The following MLLT3 variants were observed in gnomAD, a reference collection of about 807,000 sequenced individuals.
MLLT3 encodes the protein MLLT3 super elongation complex subunit.
Under a neutral mutation model 53.2 loss-of-function variants are expected in MLLT3, and 4 were observed. The ratio of observed to expected loss-of-function variants is 0.08; its 90% CI spans 0.04 to 0.17. The LOEUF (loss-of-function observed/expected upper bound fraction) is 0.17. MLLT3 is among the 10% of genes least tolerant of loss of function. MLLT3 has a pLI of 1.00. For synonymous variants in MLLT3, 283 were observed against 230.6 expected (o/e 1.23, Z -2.06); for missense variants, 569 against 684.0 (o/e 0.83, Z 1.87).
At chr9:20,471,138 T>G (rs1236364512) in intron 2 of MLLT3, among the ~76,000 whole-genome samples, 1 of 152,090 alleles carries the variant, frequency 6.6e-6, no homozygotes, top group Non-Finnish European at 1.5e-5. Context: ...GTCAGTGAGT[T>G]AATTCCTAGC....
At chr9:20,571,529 T>G (rs1414781954) in intron 2 of MLLT3, among the ~76,000 whole-genome samples, 1 of 152,176 alleles carries the variant, frequency 6.6e-6, no homozygotes, top group Non-Finnish European at 1.5e-5. Flanking sequence ...CCATGGTGGT[T>G]TGCTGCACCC....
At chr9:20,444,766 G>A (rs1018764323) in intron 4 of MLLT3, among the ~76,000 whole-genome samples, 3 of 152,100 alleles carry the variant, frequency 2.0e-5, no homozygotes, top group African/African-American at 4.8e-5. Flanking sequence ...CAGCTACTCA[G>A]GAGGCTGAGG....
At chr9:20,526,562 C>A (rs1818209796) in intron 2 of MLLT3, among the ~76,000 whole-genome samples, 1 of 152,140 alleles carries the variant, frequency 6.6e-6, no homozygotes, top group African/African-American at 2.4e-5. Flanking sequence ...TAATGTAGAT[C>A]ATTCTGTTGT....
At chr9:20,559,689 C>G (rs1002808206) in intron 2 of MLLT3, among the ~76,000 whole-genome samples, 1 of 152,166 alleles carries the variant, frequency 6.6e-6, no homozygotes, top group African/African-American at 2.4e-5. Flanking sequence ...CCTCCTCCAC[C>G]TGAGTCATGT....
chr9:20,346,591 G>A lies in MLLT3; in HGVS notation c.1576-17C>T. The A allele has an allele frequency of 6.2e-7, 1 of 1,608,678 alleles. No individual in the cohort carries two copies. On this transcript the variant is annotated splice_polypyrimidine_tract_variant and intron_variant, in intron 10 of 10. Coordinates refer to ENST00000380338, the MANE Select transcript of MLLT3 (RefSeq NM_004529.4). ...GTTCACGATCTAGAGGAGTGAAGAAGAGAAAGTTTGGGCAATACGCAGCAA... is the reference window on the plus strand; with the variant it reads ...GTTCACGATCTAGAGGAGTGAAGAAAAGAAAGTTTGGGCAATACGCAGCAA...
chr9:20,523,414 A>G (rs569550179), intron 2 of MLLT3, among the ~76,000 whole-genome samples: 4 of 152,366 alleles, frequency 2.6e-5, no homozygotes, highest in African/African-American at 9.6e-5. Context: ...ACAAAAACCT[A>G]CACATGGATG....
At chr9:20,524,000 G>C (rs903968563) in intron 2 of MLLT3, among the ~76,000 whole-genome samples, 4 of 151,398 alleles carry the variant, frequency 2.6e-5, no homozygotes, top group Non-Finnish European at 5.9e-5. Context: ...GACACACACA[G>C]AGAGATCAAT....
At chr9:20,568,562 C>A (rs1819445808) in intron 2 of MLLT3, among the ~76,000 whole-genome samples, 1 of 152,076 alleles carries the variant, frequency 6.6e-6, no homozygotes, top group Admixed American at 6.6e-5. Context: ...GTAGCAAGAT[C>A]CAAGCTTAAG....
intron 2 of MLLT3, among the ~76,000 whole-genome samples, chr9:20,562,161 G>C (rs190640995): frequency 9.8e-4 from 149 of 152,222 alleles, no homozygotes; most frequent in African/African-American, 3.5e-3. Flanking sequence ...AGTTATGCTT[G>C]TGAAAAGGGC....
intron 5 of MLLT3, among the ~76,000 whole-genome samples, chr9:20,396,539 T>C (rs1430581323): frequency 6.6e-6 from 1 of 152,104 alleles, no homozygotes; most frequent in East Asian, 1.9e-4. Context: ...AGTTTTTCAA[T>C]TGGTTTATAA....
At position 20,454,587 on chromosome 9, in the gene MLLT3, T is replaced by C. The variant is rs138383342; in HGVS notation, c.276+2117A>G. ...ATGGTCTTCTCATAAGAGATCATAA[T>C]TGCCTATTCTTTAATTTCTTTGAGT... On this transcript the variant is annotated intron_variant, in intron 3 of 10. Transcript: ENST00000380338. 2.9e-3 allele frequency among the ~76,000 whole-genome samples: 440 copies of C among 152,352 alleles called. 5 individuals are homozygous for C. Among genetic ancestry groups the C allele is most frequent in the Admixed American group, 0.026 (393 of 15,296 alleles).
intron 2 of MLLT3, among the ~76,000 whole-genome samples, chr9:20,546,772 C>T (rs997597609): frequency 1.3e-5 from 2 of 152,212 alleles, no homozygotes; most frequent in Admixed American, 6.5e-5. Context: ...CATCCTGTCC[C>T]GTGGAACAGG....
intron 4 of MLLT3, among the ~76,000 whole-genome samples, chr9:20,429,242 C>T (rs567676076): frequency 6.6e-6 from 1 of 152,146 alleles, no homozygotes; most frequent in Admixed American, 6.5e-5. Context: ...GTGGCACACA[C>T]CTATAGTCCT....
chr9:20,588,853 A>G (rs1015867834), intron 2 of MLLT3, among the ~76,000 whole-genome samples: 4 of 152,084 alleles, frequency 2.6e-5, no homozygotes, highest in Admixed American at 6.6e-5. Context: ...ATCACTGGCC[A>G]TCAGAGAAAT....
intron 5 of MLLT3, among the ~76,000 whole-genome samples, chr9:20,385,185 G>A (rs1822004296): frequency 6.6e-6 from 1 of 151,874 alleles, no homozygotes; most frequent in African/African-American, 2.4e-5. Context: ...TTTAAATATC[G>A]GTAAGAACTC....
rs919437267 is a variant in MLLT3 at position 20,341,837 on chromosome 9, G to T, written c.*4606C>A. ...CTGAACAAAACCCTCCAAAGAAATA[G>T]GGGGGAAAGAAAAAATACCGGGCAC... On this transcript the variant is annotated 3_prime_UTR_variant, in exon 11 of 11. Transcript: ENST00000380338. 1 of 205,484 alleles carries T rather than the reference G, an allele frequency of 4.9e-6. No homozygotes were observed. The highest frequency in any genetic ancestry group is 9.9e-6 in the Non-Finnish European group (1 of 100,534). The allele number at this position is 205,484 out of a possible 1,614,324, so 12.7% of individuals were successfully genotyped here.
Position 20,531,428 on chromosome 9 carries a change from A to AC in MLLT3, c.194-74643dup, listed in dbSNP as rs1181819255. ...TGGGATTACAGGTGTGAGCCACTGT[A>AC]CCTGGCCTCCTTTCAACTTTATATT... On this transcript the variant is annotated intron_variant, in intron 2 of 10. Transcript: ENST00000380338. Among the ~76,000 whole-genome samples, 8 of 152,180 alleles carry AC rather than the reference A, an allele frequency of 5.3e-5. No homozygotes were observed. In the East Asian group the frequency reaches 7.7e-4, roughly 15 times the overall value.
At chr9:20,532,678 C>A in intron 2 of MLLT3, 3 of 255,794 alleles carry the variant, frequency 1.2e-5, no homozygotes, top group Admixed American at 4.4e-5. Flanking sequence ...TGGCATTGGA[C>A]AGGATATGCA....
At chr9:20,403,579 G>T (rs1586922706) in intron 5 of MLLT3, among the ~76,000 whole-genome samples, 1 of 152,152 alleles carries the variant, frequency 6.6e-6, no homozygotes, top group Non-Finnish European at 1.5e-5. Flanking sequence ...ACAATGACAG[G>T]AGGCTTGGTA....
Sources: gnomAD v4.1 joint callset for allele counts (sites outside exome capture counted in the v4.1 genomes callset) on GRCh38, gnomAD v4.1.1 for gene constraint, MANE v1.5 for transcripts, NCBI Gene and HGNC (gene_info 2026-07-23, HGNC 2026-07-21) for gene names.